The following DCHS2 variants were observed in gnomAD, a reference collection of about 807,000 sequenced individuals.
The protein encoded by DCHS2 is protocadherin-23.
A neutral mutation model predicts 182.4 loss-of-function variants in DCHS2; 142 were observed. The ratio of observed to expected loss-of-function variants is 0.78; its 90% CI spans 0.68 to 0.89. DCHS2 has a LOEUF of 0.89. DCHS2 is among the 40% of genes least tolerant of loss of function. The probability of loss-of-function intolerance (pLI) is 0.00; values close to 1 mark genes in which losing one functional copy is unlikely to be tolerated. For missense variants in DCHS2, 4,319 were observed against 4,198.6 expected (o/e 1.03, Z -0.79); for synonymous variants, 1,740 against 1,663.3 (o/e 1.05, Z -1.12).
Position 154,333,512 on chromosome 4 carries a change from G to A in DCHS2, c.2714-18C>T, listed in dbSNP as rs758282568. The A allele has an allele frequency of 6.3e-7, 1 of 1,590,894 alleles. No individual in the cohort carries two copies. The highest frequency in any genetic ancestry group is 1.1e-5 in the South Asian group (1 of 89,076). On this transcript the variant is annotated intron_variant, in intron 4 of 19. Coordinates refer to ENST00000357232, the MANE Select transcript of DCHS2 (RefSeq NM_001358235.2). ...TGAGGAGTCTGAAAAAGAGAGAGGG[G>A]ACAACCACTGTATGTCAAAAGGGTG...
intron 1 of DCHS2, among the ~76,000 whole-genome samples, chr4:154,478,602 G>T (rs1422344169): frequency 2.0e-5 from 3 of 152,108 alleles, no homozygotes; most frequent in Non-Finnish European, 4.4e-5. Context: ...TTAGCATAGG[G>T]TTCCAGGAAA....
At chr4:154,255,094 C>T (rs1029593316) in intron 16 of DCHS2, among the ~76,000 whole-genome samples, 3 of 152,162 alleles carry the variant, frequency 2.0e-5, no homozygotes, top group South Asian at 2.1e-4. Context: ...TTCAAGACAG[C>T]GTTGTACTTT....
chr4:154,298,304 T>C lies in DCHS2; in HGVS notation c.6010A>G (p.Thr2004Ala). 1 of 1,614,208 alleles carries C rather than the reference T, an allele frequency of 6.2e-7. No homozygotes were observed. Among genetic ancestry groups the C allele is most frequent in the African/African-American group, 1.3e-5 (1 of 75,058 alleles). Residue 2004 changes from threonine to alanine, a missense_variant, in exon 13 of 20, where the codon ACA (threonine) becomes GCA (alanine). By Grantham distance (58) the Thr-to-Ala change is moderately conservative (BLOSUM62 0). Transcript: ENST00000357232. ...TLDREARSQH[T>A]FSAVARDCSI... Reference sequence around the variant, plus strand: ...CAGTCTCTGGCCACAGCACTAAATGTATGCTGAGATCTGGCTTCACGGTCG... The same window carrying C: ...CAGTCTCTGGCCACAGCACTAAATGCATGCTGAGATCTGGCTTCACGGTCG...
At chr4:154,325,598 A>G (rs1736248235) in intron 7 of DCHS2, among the ~76,000 whole-genome samples, 1 of 152,126 alleles carries the variant, frequency 6.6e-6, no homozygotes, top group African/African-American at 2.4e-5. Flanking sequence ...GAAGACAAAA[A>G]AAGAGGGGGA....
In DCHS2 at chr4:154,490,759, G is replaced by C. The variant is rs1227255357; in HGVS notation, c.597C>G (p.Phe199Leu). The C allele has an allele frequency of 1.3e-6, 2 of 1,551,600 alleles. No individual in the cohort carries two copies. Among genetic ancestry groups the C allele is most frequent in the Non-Finnish European group, 1.7e-6 (2 of 1,146,904 alleles). The change falls in exon 1 of 20, where the codon TTC becomes TTG. Residue 199 changes from phenylalanine (F) to leucine (L), a missense_variant. Coordinates refer to ENST00000357232, the MANE Select transcript of DCHS2 (RefSeq NM_001358235.2). ...PVAHDPDAGL[F>L]STQGYTLVQP... ...GCACCAGGGTGTAGCCCTGAGTGCTGAACAGTCCGGCGTCCGGATCGTGGG... is the reference window on the plus strand; with the variant it reads ...GCACCAGGGTGTAGCCCTGAGTGCTCAACAGTCCGGCGTCCGGATCGTGGG...
chr4:154,330,473 A>G (rs1736477446), intron 5 of DCHS2, among the ~76,000 whole-genome samples: 1 of 152,190 alleles, frequency 6.6e-6, no homozygotes, highest in African/African-American at 2.4e-5. Flanking sequence ...CAGGCATAAC[A>G]TCTAAGTGCC....
chr4:154,354,617 C>T (rs1729775408), intron 3 of DCHS2: 1 of 152,204 alleles, frequency 6.6e-6, no homozygotes, highest in Admixed American at 6.5e-5. Flanking sequence ...CCATCTAGGA[C>T]ACTGCTGCCA....
chr4:154,387,868 G>A (rs537679696), intron 1 of DCHS2, among the ~76,000 whole-genome samples: 4 of 152,054 alleles, frequency 2.6e-5, no homozygotes, highest in African/African-American at 9.6e-5. Flanking sequence ...CAAAGGACAT[G>A]AACAGACAAT....
At chr4:154,283,443 T>C (rs1274630485) in intron 13 of DCHS2, among the ~76,000 whole-genome samples, 1 of 142,582 alleles carries the variant, frequency 7.0e-6, no homozygotes, top group Non-Finnish European at 1.6e-5. Context: ...GCTTATTTTT[T>C]TATAAGTTTA....
chr4:154,262,994 G>A (rs1733059732), intron 14 of DCHS2, among the ~76,000 whole-genome samples: 1 of 152,192 alleles, frequency 6.6e-6, no homozygotes, highest in Admixed American at 6.5e-5. Flanking sequence ...GGAACAGAGG[G>A]TAAACTGGCA....
At chr4:154,448,031 A>G (rs1734373574) in intron 1 of DCHS2, among the ~76,000 whole-genome samples, 1 of 152,090 alleles carries the variant, frequency 6.6e-6, no homozygotes, top group South Asian at 2.1e-4. Flanking sequence ...CAACCCTCAC[A>G]ACTCATCCCA....
At chr4:154,241,510 C>T (rs189892422) in intron 17 of DCHS2, among the ~76,000 whole-genome samples, 16 of 152,146 alleles carry the variant, frequency 1.1e-4, no homozygotes, top group African/African-American at 2.4e-4. Context: ...CTAAACAGCC[C>T]GTGAAAGGGA....
At chr4:154,392,929 T>C (rs1731772487) in intron 1 of DCHS2, among the ~76,000 whole-genome samples, 1 of 152,230 alleles carries the variant, frequency 6.6e-6, no homozygotes, top group Non-Finnish European at 1.5e-5. Flanking sequence ...GCAGCTTTAA[T>C]ACATGTGCAT....
chr4:154,443,538 A>G (rs967087024), intron 1 of DCHS2, among the ~76,000 whole-genome samples: 9 of 152,070 alleles, frequency 5.9e-5, no homozygotes, highest in African/African-American at 2.2e-4. Flanking sequence ...TCCCACCCAC[A>G]AACTACCATC....
chr4:154,490,272 T>C lies in DCHS2; in HGVS notation c.1084A>G (p.Ser362Gly), dbSNP rs1300764943. ...DAAYFAVEEL[S>G]GVVRVWRPLD... Reference sequence around the variant, plus strand: ...GGTCTCCACACTCGCACCACGCCGCTCAGCTCCTCCACCGCGAAGTAGGCC... The same window carrying C: ...GGTCTCCACACTCGCACCACGCCGCCCAGCTCCTCCACCGCGAAGTAGGCC... Residue 362 changes from serine (S) to glycine (G), a missense_variant, in exon 1 of 20, where the codon AGC becomes GGC. Physicochemically the swap from Ser to Gly is moderately conservative, Grantham distance 56. Coordinates refer to ENST00000357232, the MANE Select transcript of DCHS2 (RefSeq NM_001358235.2). 1.9e-6 allele frequency: 3 copies of C among 1,548,756 alleles called. No homozygotes were observed. Among genetic ancestry groups the C allele is most frequent in the Admixed American group, 2.0e-5 (1 of 50,978 alleles).
At chr4:154,275,774 A>T (rs1412332984) in intron 13 of DCHS2, among the ~76,000 whole-genome samples, 1 of 152,184 alleles carries the variant, frequency 6.6e-6, no homozygotes, top group Non-Finnish European at 1.5e-5. Flanking sequence ...AATGCTTATT[A>T]TATGCCCAAT....
chr4:154,334,813 A>T lies in DCHS2; in HGVS notation c.2713+55T>A, dbSNP rs1292330869. ...TTCAAGATTGTACCGCCTACAAAAA[A>T]ACAAGAAATGTTCCAATAATGGAAT... On this transcript the variant is annotated intron_variant, in intron 4 of 19. Transcript: ENST00000357232. 15 of 1,440,674 alleles carry T rather than the reference A, an allele frequency of 1.0e-5. No individual in the cohort carries two copies. In the Admixed American group the frequency reaches 2.6e-4, roughly 25 times the overall value. The allele number at this position is 1,440,674 out of a possible 1,614,324, so 89.2% of individuals were successfully genotyped here. A position where few individuals can be genotyped will look rare whatever the true frequency, so the allele number is the denominator to read the frequency against.
rs140744294 is a variant in DCHS2 at position 154,268,464 on chromosome 4, G to A, written c.6577+1436C>T. 5.9e-5 allele frequency among the ~76,000 whole-genome samples: 9 copies of A among 152,280 alleles called. No homozygotes were observed. The East Asian group carries it at 1.7e-3, about 29-fold the overall frequency. On this transcript the variant is annotated intron_variant, in intron 14 of 19. Transcript: ENST00000357232. ...ACAAAAGGAGGATTTACTTCTGTGT[G>A]GGGCAGAGTAGGATAATGTGAGATT...
chr4:154,462,201 T>C (rs766122033), intron 1 of DCHS2, among the ~76,000 whole-genome samples: 7 of 152,214 alleles, frequency 4.6e-5, no homozygotes, highest in Non-Finnish European at 1.0e-4. Context: ...AAATGATACA[T>C]CCAATTTTTG....
Sources: gnomAD v4.1 joint callset for allele counts (sites outside exome capture counted in the v4.1 genomes callset) on GRCh38, gnomAD v4.1.1 for gene constraint, MANE v1.5 for transcripts, NCBI Gene and HGNC (gene_info 2026-07-23, HGNC 2026-07-21) for gene names.